The following KMT2B variants were observed in gnomAD, a reference collection of about 807,000 sequenced individuals.
The protein encoded by KMT2B is lysine methyltransferase 2B.
A neutral mutation model predicts 255.3 loss-of-function variants in KMT2B; 22 were observed. That is an observed-to-expected ratio of 0.09 (90% CI 0.06 to 0.12). The LOEUF (loss-of-function observed/expected upper bound fraction) is 0.12, where lower values mean the gene tolerates loss of function less well. Among genes scored for constraint, KMT2B ranks in the 10% least tolerant of loss-of-function variants. The pLI, the probability that KMT2B is intolerant of heterozygous loss-of-function variation, is 1.00. For synonymous variants in KMT2B, 1,730 were observed against 1,498.1 expected, an observed-to-expected ratio of 1.15 and a Z score of -3.57; for missense variants, 3,149 against 3,737.0, an observed-to-expected ratio of 0.84 and a Z score of 4.10.
At position 35,737,994 on chromosome 19, in the gene KMT2B, T is replaced by C. The variant is rs898164267; in HGVS notation, c.7742+52T>C. 1.2e-6 allele frequency: 2 copies of C among 1,610,790 alleles called. No individual in the cohort carries two copies. The highest frequency in any genetic ancestry group is 2.7e-5 in the African/African-American group (2 of 74,812). ...CCCTTGGGTGGACGGACAGGTGCAC[T>C]GGGTAGGGGGTACTGTCTGGTTTCT... On this transcript the variant is annotated intron_variant, in intron 35 of 36. Transcript: ENST00000420124. The surrounding 1 kb of genome is among the most constrained non-coding windows in gnomAD (Gnocchi z 5.3).
At position 35,722,388 on chromosome 19, in the gene KMT2B, G is replaced by A. The variant is rs1969254295; in HGVS notation, c.2487G>A (p.Val829=). The part of the protein sequence containing the change: ...PLSPGGQMEE[V]AGAVKQISDR... Reference sequence around the variant, plus strand: ...GCCCTGGAGGGCAGATGGAGGAGGTGGCCGGGGCTGTCAAGCAGATCTCCG... The same window carrying A: ...GCCCTGGAGGGCAGATGGAGGAGGTAGCCGGGGCTGTCAAGCAGATCTCCG... Residue 829 remains valine (V), a synonymous_variant, in exon 4 of 37, where the codon GTG becomes GTA. Transcript: ENST00000420124. The A allele has an allele frequency of 6.2e-7, 1 of 1,610,834 alleles. No homozygotes were observed. The highest frequency in any genetic ancestry group is 8.5e-7 in the Non-Finnish European group (1 of 1,179,760).
At position 35,728,902 on chromosome 19, in the gene KMT2B, G is replaced by T; in HGVS notation, c.4687+13G>T. ...GATCCCTCAGCAGGTACTGGGAAGT[G>T]GGGGTCCAGAAGCCAGGGCCCTGTG... On this transcript the variant is annotated intron_variant, in intron 20 of 36. Transcript: ENST00000420124. 3.1e-6 allele frequency: 5 copies of T among 1,612,848 alleles called. No individual in the cohort carries two copies. Among genetic ancestry groups the T allele is most frequent in the Non-Finnish European group, 4.2e-6 (5 of 1,178,862 alleles).
At chr19:35,719,671 T>A (rs539561996) in intron 2 of KMT2B, 113 bp from the exon 3 acceptor site, 15 of 1,516,410 alleles carry the variant, frequency 9.9e-6, no homozygotes, top group Non-Finnish European at 1.3e-5. Flanking sequence ...TCCAAGCTAG[T>A]CTGGGCAGCG....
chr19:35,737,019 T>G lies in KMT2B; in HGVS notation c.7372+33T>G. Reference sequence around the variant, plus strand: ...GTGGGCCCCACAGGGGGCAGGGAGCTGGATGTCTCCCCGAGGGCACCATGG... The same window carrying G: ...GTGGGCCCCACAGGGGGCAGGGAGCGGGATGTCTCCCCGAGGGCACCATGG... On this transcript the variant is annotated intron_variant, in intron 32 of 36. Transcript: ENST00000420124. This position sits in a 1 kb window ranked among gnomAD's most constrained non-coding sequence, Gnocchi z 5.3. 2 of 1,611,212 alleles carry G rather than the reference T, an allele frequency of 1.2e-6. No individual in the cohort carries two copies. Among genetic ancestry groups the G allele is most frequent in the African/African-American group, 2.7e-5 (2 of 74,984 alleles).
At position 35,721,464 on chromosome 19, in the gene KMT2B, G is replaced by T. The variant is rs760881374; in HGVS notation, c.2117G>T (p.Arg706Leu). The T allele has an allele frequency of 1.9e-6, 3 of 1,612,488 alleles. No individual in the cohort carries two copies. The highest frequency in any genetic ancestry group is 2.5e-6 in the Non-Finnish European group (3 of 1,179,814). The change falls in exon 3 of 37, where the codon CGA (arginine) becomes CTA (leucine). Residue 706 changes from arginine to leucine, a missense_variant. Arg to Leu is a moderately radical substitution (Grantham distance 102, BLOSUM62 -2). Transcript: ENST00000420124. ...VGRTNHLSLP[R>L]FAPVVTTPVK... The stretch of plus-strand genomic sequence containing the variant: ...CGCACCAACCACCTCAGCCTGCCTC[G>T]ATTCGCCCCTGTGGTCACCACTCCT...
intron 30 of KMT2B, 134 bp from the exon 31 acceptor site, chr19:35,736,556 G>T: frequency 9.8e-7 from 1 of 1,023,484 alleles, no homozygotes. Context: ...AGCAGAAGGA[G>T]GGCCATTAGA....
In KMT2B at chr19:35,720,566, A is replaced by T. The variant is rs752055234; in HGVS notation, c.1219A>T (p.Thr407Ser). The T allele has an allele frequency of 1.3e-6, 2 of 1,539,918 alleles. No individual in the cohort carries two copies. The highest frequency in any genetic ancestry group is 8.8e-7 in the Non-Finnish European group (1 of 1,141,844). The part of the protein sequence containing the change: ...EEAKLPPPPL[T>S]PPAPSPPPPL... ...GGCAAAGCTGCCACCACCGCCTCTG[A>T]CTCCTCCAGCCCCTTCACCTCCTCC... The change falls in exon 3 of 37, where the codon ACT becomes TCT. Residue 407 changes from threonine to serine, a missense_variant. Coordinates refer to ENST00000420124, the MANE Select transcript of KMT2B (RefSeq NM_014727.3).
rs1352603836 is a variant in KMT2B, at chr19:35,719,985, C to A, written c.638C>A (p.Pro213His). 2.5e-6 allele frequency: 4 copies of A among 1,613,140 alleles called. No individual in the cohort carries two copies. The African/African-American group carries it at 4.0e-5, about 16-fold the overall frequency. The change falls in exon 3 of 37, where the codon CCC becomes CAC. Residue 213 changes from proline to histidine, a missense_variant. Coordinates refer to ENST00000420124, the MANE Select transcript of KMT2B (RefSeq NM_014727.3). ...PQAPRSRACE[P>H]STPRRSRGRP... ...GCACCCCGGAGCCGGGCATGTGAGC[C>A]CTCCACCCCCCGGCGGTCTCGGGGA...
In KMT2B at chr19:35,732,353, C is replaced by T. The variant is rs888916696; in HGVS notation, c.5804C>T (p.Thr1935Ile). 4.3e-6 allele frequency: 7 copies of T among 1,612,170 alleles called. No homozygotes were observed. The highest frequency in any genetic ancestry group is 5.9e-6 in the Non-Finnish European group (7 of 1,179,224). Residue 1935 changes from threonine (T) to isoleucine (I), a missense_variant, in exon 28 of 37, where the codon ACC (threonine) becomes ATC (isoleucine). Coordinates refer to ENST00000420124, the MANE Select transcript of KMT2B (RefSeq NM_014727.3). The stretch of plus-strand genomic sequence containing the variant: ...CGGTGGGCCTCCCCTCCTCTAAAAA[C>T]CTCCCCTCAGCTCAGGGTGCCCCCT... ...PSRWASPPLK[T>I]SPQLRVPPPT...
At position 35,736,632 on chromosome 19, in the gene KMT2B, C is replaced by G. The variant is rs554498172; in HGVS notation, c.7160-58C>G. 4.4e-6 allele frequency: 7 copies of G among 1,598,176 alleles called. No individual in the cohort carries two copies. The South Asian group carries it at 7.8e-5, about 18-fold the overall frequency. On this transcript the variant is annotated intron_variant, in intron 30 of 36. Coordinates refer to ENST00000420124, the MANE Select transcript of KMT2B (RefSeq NM_014727.3). Reference sequence around the variant, plus strand: ...TGTCTGCTGGGAGCACAGCGGGGCTCAGGGGCTTTTGAGTCCGGGAAGGGT... The same window carrying G: ...TGTCTGCTGGGAGCACAGCGGGGCTGAGGGGCTTTTGAGTCCGGGAAGGGT...
chr19:35,721,035 T>C lies in KMT2B; in HGVS notation c.1688T>C (p.Leu563Pro), dbSNP rs371783473. 4 of 1,607,000 alleles carry C rather than the reference T, an allele frequency of 2.5e-6. No homozygotes were observed. Among genetic ancestry groups the C allele is most frequent in the Non-Finnish European group, 3.4e-6 (4 of 1,177,878 alleles). ...KPPKVEVSPV[L>P]RPPITTSPPV... ...CCAAAGGTGGAGGTCTCACCTGTCC[T>C]GCGACCTCCCATTACCACCTCCCCA... Residue 563 changes from leucine to proline, a missense_variant, in exon 3 of 37, where the codon CTG (leucine) becomes CCG (proline). Physicochemically the swap from Leu to Pro is moderately conservative, Grantham distance 98 (BLOSUM62 -3). Coordinates refer to ENST00000420124, the MANE Select transcript of KMT2B (RefSeq NM_014727.3).
chr19:35,727,082 A>G lies in KMT2B; in HGVS notation c.4004-74A>G. 9.5e-7 allele frequency: 1 copy of G among 1,057,318 alleles called. No homozygotes were observed. The highest frequency in any genetic ancestry group is 1.4e-5 in the South Asian group (1 of 70,344). 65.5% of individuals were successfully genotyped at this position (1,057,318 alleles called of 1,614,324 possible). A position where few individuals can be genotyped will look rare whatever the true frequency, so the allele number is the denominator to read the frequency against. On this transcript the variant is annotated intron_variant, in intron 14 of 36. Transcript: ENST00000420124. This position sits in a 1 kb window ranked among gnomAD's most constrained non-coding sequence, Gnocchi z 4.2. ...TAGTGGAGGCAGCTAAGGTACTGCT[A>G]ATCCTTGAACAGAGACACTCAGGGC...
chr19:35,725,453 C>A lies in KMT2B; in HGVS notation c.3643-26C>A. The A allele has an allele frequency of 6.2e-7, 1 of 1,608,028 alleles. No homozygotes were observed. Among genetic ancestry groups the A allele is most frequent in the Non-Finnish European group, 8.5e-7 (1 of 1,179,094 alleles). ...CCCTCTGGCCTCATGCTATGCCCAT[C>A]ATTCACTCCTTTACCCTGTCCCCAG... is the stretch of plus-strand genomic sequence containing the variant. On this transcript the variant is annotated intron_variant, in intron 11 of 36. Coordinates refer to ENST00000420124, the MANE Select transcript of KMT2B (RefSeq NM_014727.3). The surrounding 1 kb of genome is among the most constrained non-coding windows in gnomAD (Gnocchi z 4.1).
rs199769029 is a variant in KMT2B, at chr19:35,738,032, C to G, written c.7743-30C>G. On this transcript the variant is annotated intron_variant, in intron 35 of 36. Coordinates refer to ENST00000420124, the MANE Select transcript of KMT2B (RefSeq NM_014727.3). The surrounding 1 kb of genome is among the most constrained non-coding windows in gnomAD (Gnocchi z 8.7). ...CTGTCTGGTTTCTGTCCCCCTCCCC[C>G]CTGAGTTCCCTGTTCATCCTGCCCT... 14 of 1,613,718 alleles carry G rather than the reference C, an allele frequency of 8.7e-6. No homozygotes were observed. The highest frequency in any genetic ancestry group is 8.3e-5 in the Admixed American group (5 of 59,984).
chr19:35,728,752 T>G (rs1341566436), intron 19 of KMT2B, 22 bp from the exon 20 acceptor site: 2 of 1,603,332 alleles, frequency 1.2e-6, no homozygotes, highest in Admixed American at 3.3e-5. Flanking sequence ...GCACATCAGC[T>G]GCTAACCCTG....
chr19:35,732,632 C>G lies in KMT2B; in HGVS notation c.6083C>G (p.Ser2028Cys). 6.2e-7 allele frequency: 1 copy of G among 1,611,178 alleles called. No individual in the cohort carries two copies. Among genetic ancestry groups the G allele is most frequent in the Non-Finnish European group, 8.5e-7 (1 of 1,178,872 alleles). The change falls in exon 28 of 37, where the codon TCC becomes TGC. Residue 2028 changes from serine (S) to cysteine (C), a missense_variant. Ser to Cys is a moderately radical substitution (Grantham distance 112). Coordinates refer to ENST00000420124, the MANE Select transcript of KMT2B (RefSeq NM_014727.3). ...GGPGDSSEEE[S>C]SPTSRYIHFP... ...CCGGGGGACAGCTCCGAGGAGGAGT[C>G]CAGCCCCACCTCCCGCTACATCCAC...
rs773061649 is a variant in KMT2B at position 35,730,793 on chromosome 19, C to G, written c.5363C>G (p.Pro1788Arg). Residue 1788 changes from proline (P) to arginine (R), a missense_variant, in exon 26 of 37, where the codon CCG becomes CGG. By Grantham distance (103) the Pro-to-Arg change is moderately radical (BLOSUM62 -2). This residue lies in a region of KMT2B where 34 missense variants were observed against 51.6 expected (regional missense o/e 0.66). Transcript: ENST00000420124. Reference protein sequence around the residue: ...CRILEYRPWGPREEPAHLEAA... With the variant: ...CRILEYRPWGRREEPAHLEAA... ...ATTCTGGAGTATCGGCCATGGGGGC[C>G]GAGGGAAGAGCCAGCTCACCTGGAG... The G allele has an allele frequency of 6.2e-7, 1 of 1,613,700 alleles. No individual in the cohort carries two copies.
rs759167832 is a variant in KMT2B at position 35,733,631 on chromosome 19, C to T, written c.6994C>T (p.Arg2332Cys). The T allele has an allele frequency of 3.1e-6, 5 of 1,594,278 alleles. No individual in the cohort carries two copies. Among genetic ancestry groups the T allele is most frequent in the South Asian group, 1.1e-5 (1 of 87,798 alleles). ...SRVRMKTPTV[R>C]GVLDLDRPGE... ...TGTGAGGATGAAAACCCCCACAGTG[C>T]GTGGGGTCCTTGACCTGGATCGGCC... The change falls in exon 29 of 37, where the codon CGT (arginine) becomes TGT (cysteine). Residue 2332 changes from arginine (R) to cysteine (C), a missense_variant. Physicochemically the swap from Arg to Cys is radical, Grantham distance 180 (BLOSUM62 -3). Around this residue, in one of 18 missense-constraint regions of KMT2B, gnomAD observed 897 missense variants for 825.3 expected, o/e 1.09. Coordinates refer to ENST00000420124, the MANE Select transcript of KMT2B (RefSeq NM_014727.3). This position sits in a 1 kb window ranked among gnomAD's most constrained non-coding sequence, Gnocchi z 4.3.
intron 19 of KMT2B, 30 bp from the exon 20 acceptor site, chr19:35,728,744 A>G: frequency 1.9e-6 from 3 of 1,582,370 alleles, no homozygotes; most frequent in Non-Finnish European, 2.6e-6. Flanking sequence ...CTTGTTGGGC[A>G]CATCAGCTGC....
Sources: gnomAD v4.1 joint callset for allele counts on GRCh38, gnomAD v4.1.1 for gene constraint, gnomAD v4.1.1 regional missense constraint, Gnocchi (gnomAD v3.1) non-coding constraint, MANE v1.5 for transcripts, NCBI Gene and HGNC (gene_info 2026-07-23, HGNC 2026-07-21) for gene names.